ELAPOR1: variants seen among roughly 807,000 people sequenced by gnomAD.
ELAPOR1 encodes endosome-lysosome associated apoptosis and autophagy regulator 1.
In ELAPOR1, 77 loss-of-function variants were observed where a neutral mutation model predicts 119.7. That is an observed-to-expected ratio of 0.64 (90% CI 0.54 to 0.78). The LOEUF is 0.78. ELAPOR1 is among the 30% of genes least tolerant of loss of function. The pLI is 0.00. For synonymous variants in ELAPOR1, 481 were observed against 487.2 expected, an observed-to-expected ratio of 0.99 and a Z score of 0.17; for missense variants, 1,115 against 1,270.4, an observed-to-expected ratio of 0.88 and a Z score of 1.86.
At position 109,203,342 on chromosome 1, in the gene ELAPOR1, T is replaced by C. The variant is rs894015933; in HGVS notation, c.*330T>C. On this transcript the variant is annotated 3_prime_UTR_variant, in exon 22 of 22. Coordinates refer to ENST00000369939, the MANE Select transcript of ELAPOR1 (RefSeq NM_020775.5). ...ATGAAAATATTTCTATCTTCTTAAG[T>C]ATAGAAACTATTTCCTCTGTCCTCT... 10 of 288,266 alleles carry C rather than the reference T, an allele frequency of 3.5e-5. No homozygotes were observed. Among genetic ancestry groups the C allele is most frequent in the African/African-American group, 2.0e-4 (9 of 43,916 alleles). The allele number at this position is 288,266 out of a possible 1,614,324, so 17.9% of individuals were successfully genotyped here.
intron 1 of ELAPOR1, among the ~76,000 whole-genome samples, chr1:109,123,416 T>C (rs1184729464): frequency 2.0e-5 from 3 of 152,228 alleles, no homozygotes; most frequent in African/African-American, 7.2e-5. Flanking sequence ...AGCATCTTTC[T>C]ATAAAGACGA....
chr1:109,191,565 T>G, intron 12 of ELAPOR1, 94 bp downstream of exon 12: 1 of 1,374,120 alleles, frequency 7.3e-7, no homozygotes, highest in Non-Finnish European at 1.0e-6. Flanking sequence ...ACACCCCCCC[T>G]TGTAGTGATT....
intron 1 of ELAPOR1, among the ~76,000 whole-genome samples, chr1:109,123,815 T>C (rs1008561215): frequency 6.6e-6 from 1 of 152,236 alleles, no homozygotes; most frequent in Non-Finnish European, 1.5e-5. Flanking sequence ...ATACTTTTTT[T>C]TGAGATAGAG....
rs777020693 is a variant in ELAPOR1, at chr1:109,194,601, T to C, written c.2121+7T>C. The C allele has an allele frequency of 3.7e-6, 6 of 1,612,992 alleles. No individual in the cohort carries two copies. Among genetic ancestry groups the C allele is most frequent in the Non-Finnish European group, 4.2e-6 (5 of 1,179,002 alleles). ...CAGTCTCTGTGGAAACCAGGTAAGG[T>C]ATACCAGTTGACAGGGTGAAAATTG... On this transcript the variant is annotated splice_region_variant and intron_variant, in intron 15 of 21. Coordinates refer to ENST00000369939, the MANE Select transcript of ELAPOR1 (RefSeq NM_020775.5).
intron 1 of ELAPOR1, among the ~76,000 whole-genome samples, chr1:109,141,168 T>C (rs1407480946): frequency 6.6e-6 from 1 of 151,768 alleles, no homozygotes; most frequent in Non-Finnish European, 1.5e-5. Context: ...ATTTTATATA[T>C]TATGAAACAT....
intron 15 of ELAPOR1, among the ~76,000 whole-genome samples, chr1:109,196,269 T>A (rs1466883536): frequency 6.6e-6 from 1 of 152,168 alleles, no homozygotes. Context: ...TGCAAAGAAG[T>A]CGATGGGTGT....
intron 8 of ELAPOR1, chr1:109,186,542 C>A (rs1653055486): frequency 7.1e-6 from 7 of 985,368 alleles, no homozygotes; most frequent in South Asian, 4.7e-5. Flanking sequence ...CCACCTCCCC[C>A]ACGTATTTGG....
At chr1:109,120,308 A>G (rs965181888) in intron 1 of ELAPOR1, among the ~76,000 whole-genome samples, 2 of 152,024 alleles carry the variant, frequency 1.3e-5, no homozygotes, top group Admixed American at 1.3e-4. Context: ...GAGACACGAG[A>G]ATTGCTTGAA....
rs527880111 is a variant in ELAPOR1 at position 109,187,269 on chromosome 1, G to T, written c.1042-908G>T. ...GCTCCTAGGACTCTCCTCTCCCTGA[G>T]ACTCACAGGAGGCAGGTGAGGTTCA... is the stretch of plus-strand genomic sequence containing the variant. On this transcript the variant is annotated intron_variant, in intron 8 of 21. Transcript: ENST00000369939. The T allele has an allele frequency of 5.4e-5, 53 of 985,464 alleles. No homozygotes were observed. The Middle Eastern group carries it at 3.1e-3, about 58-fold the overall frequency. The allele number at this position is 985,464 out of a possible 1,614,324, so 61.0% of individuals were successfully genotyped here.
rs576829001 is a variant in ELAPOR1 at position 109,177,256 on chromosome 1, C to G, written c.952+3419C>G. On this transcript the variant is annotated intron_variant, in intron 7 of 21. Coordinates refer to ENST00000369939, the MANE Select transcript of ELAPOR1 (RefSeq NM_020775.5). ...GGGGCTGACCCCCCCACCTCCCTCC[C>G]GGACGGGGCGGCTGCCGGGCAGAGA... Among the ~76,000 whole-genome samples, 18 of 145,014 alleles carry G rather than the reference C, an allele frequency of 1.2e-4. No individual in the cohort carries two copies. In the South Asian group the frequency reaches 4.0e-3, roughly 32 times the overall value.
intron 1 of ELAPOR1, among the ~76,000 whole-genome samples, chr1:109,136,945 C>T (rs1649508739): frequency 6.6e-6 from 1 of 152,140 alleles, no homozygotes; most frequent in African/African-American, 2.4e-5. Flanking sequence ...ATCTTTGCCC[C>T]ATATCCGTTG....
At chr1:109,191,568 T>C in intron 12 of ELAPOR1, 97 bp downstream of exon 12, 1 of 1,376,748 alleles carries the variant, frequency 7.3e-7, no homozygotes, top group South Asian at 1.2e-5. Context: ...CCCCCCCTTG[T>C]AGTGATTCCA....
intron 1 of ELAPOR1, among the ~76,000 whole-genome samples, chr1:109,138,834 C>CCAAAAAAA (rs1649651180): frequency 9.3e-6 from 1 of 107,340 alleles, no homozygotes; most frequent in Non-Finnish European, 1.8e-5. Flanking sequence ...AACTCCATCT[C>CCAAAAAAA]AAAAAAAAAA....
chr1:109,168,795 G>A (rs1406699775), intron 3 of ELAPOR1, among the ~76,000 whole-genome samples: 1 of 152,156 alleles, frequency 6.6e-6, no homozygotes, highest in Non-Finnish European at 1.5e-5. Flanking sequence ...TAAAAATGAT[G>A]ATAAAAATAG....
intron 14 of ELAPOR1, among the ~76,000 whole-genome samples, chr1:109,193,223 C>T (rs779515728): frequency 4.6e-5 from 7 of 152,118 alleles, no homozygotes; most frequent in Non-Finnish European, 7.4e-5. Flanking sequence ...ATGTTCAATC[C>T]AGCCTGTTAT....
chr1:109,188,843 G>T (rs750858578), intron 9 of ELAPOR1, among the ~76,000 whole-genome samples: 17 of 152,224 alleles, frequency 1.1e-4, no homozygotes, highest in Non-Finnish European at 2.1e-4. Flanking sequence ...GGGCAAATAG[G>T]ATGGTTGGCA....
chr1:109,199,787 G>C (rs777853855), intron 18 of ELAPOR1, 67 bp from the exon 19 acceptor site: 315 of 1,578,174 alleles, frequency 2.0e-4, no homozygotes, highest in Non-Finnish European at 2.5e-4. Context: ...GAGACAACAG[G>C]CTTCCAACCA....
At chr1:109,172,132 T>C in intron 4 of ELAPOR1, 119 bp downstream of exon 4, 1 of 1,270,126 alleles carries the variant, frequency 7.9e-7, no homozygotes, top group Non-Finnish European at 1.1e-6. Context: ...GTTTTCTCTC[T>C]GGAGAGAGCT....
At chr1:109,155,106 C>T (rs1309030588) in intron 1 of ELAPOR1, among the ~76,000 whole-genome samples, 2 of 152,186 alleles carry the variant, frequency 1.3e-5, no homozygotes, top group African/African-American at 4.8e-5. Flanking sequence ...AACACCACTG[C>T]TTCACCAGAA....
Sources: allele counts gnomAD v4.1 joint callset (sites outside exome capture counted in the v4.1 genomes callset), GRCh38; gene constraint gnomAD v4.1.1; transcripts MANE v1.5; gene names NCBI Gene and HGNC (gene_info 2026-07-23, HGNC 2026-07-21).